The following SEMA5B variants were observed in gnomAD, a reference collection of about 807,000 sequenced individuals.
SEMA5B encodes the protein semaphorin 5B.
A neutral mutation model predicts 135.0 loss-of-function variants in SEMA5B; 66 were observed. That is an observed-to-expected ratio of 0.49 (90% CI 0.40 to 0.60). The LOEUF (loss-of-function observed/expected upper bound fraction) is 0.60, where lower values mean the gene tolerates loss of function less well. Among genes scored for constraint, SEMA5B ranks in the 20% least tolerant of loss-of-function variants. The pLI, the probability that SEMA5B is intolerant of heterozygous loss-of-function variation, is 0.00. For missense variants in SEMA5B, 1,501 were observed against 1,566.3 expected, an observed-to-expected ratio of 0.96 and a Z score of 0.70; for synonymous variants, 690 against 639.5, an observed-to-expected ratio of 1.08 and a Z score of -1.19.
chr3:123,004,727 C>T (rs920378103), intron 1 of SEMA5B, among the ~76,000 whole-genome samples: 1 of 152,194 alleles, frequency 6.6e-6, no homozygotes, highest in African/African-American at 2.4e-5. Context: ...CCAGGCTCCT[C>T]CACACTGATG....
intron 9 of SEMA5B, 115 bp downstream of exon 9, chr3:122,926,277 T>A (rs1938625482): frequency 9.8e-7 from 1 of 1,017,758 alleles, no homozygotes; most frequent in East Asian, 2.6e-5. Context: ...AATCCTCAGA[T>A]GACCCCCGGC....
At chr3:122,935,427 G>T (rs1369125777) in intron 5 of SEMA5B, among the ~76,000 whole-genome samples, 1 of 152,092 alleles carries the variant, frequency 6.6e-6, no homozygotes, top group Non-Finnish European at 1.5e-5. Context: ...TTGGAGAAAG[G>T]GTCTTGATTC....
At chr3:123,004,939 C>G (rs1942268826) in intron 1 of SEMA5B, among the ~76,000 whole-genome samples, 1 of 152,166 alleles carries the variant, frequency 6.6e-6, no homozygotes, top group South Asian at 2.1e-4. Context: ...ACACTGCCTC[C>G]CTGAAAGTCC....
At chr3:122,930,810 ACT>A (rs1938930884) in intron 5 of SEMA5B, among the ~76,000 whole-genome samples, 1 of 152,244 alleles carries the variant, frequency 6.6e-6, no homozygotes, top group African/African-American at 2.4e-5. Flanking sequence ...AGGGAAGAAC[ACT>A]AAAGTCCAGA....
intron 1 of SEMA5B, among the ~76,000 whole-genome samples, chr3:123,009,238 G>A (rs1053366950): frequency 6.6e-6 from 1 of 152,162 alleles, no homozygotes; most frequent in East Asian, 1.9e-4. Context: ...TCAGTGCAGG[G>A]AGCGGGGGTT....
chr3:123,017,852 G>A (rs1942596460), intron 1 of SEMA5B, among the ~76,000 whole-genome samples: 1 of 151,724 alleles, frequency 6.6e-6, no homozygotes. Context: ...AGGTTGCAGT[G>A]AGCCAAGACT....
intron 12 of SEMA5B, among the ~76,000 whole-genome samples, chr3:122,919,211 G>T (rs1938231100): frequency 1.3e-5 from 2 of 151,986 alleles, no homozygotes; most frequent in South Asian, 4.1e-4. Context: ...GGCTGAGAGT[G>T]GGCCTTCCCT....
chr3:122,988,345 G>A (rs1941763420), intron 1 of SEMA5B, among the ~76,000 whole-genome samples: 1 of 152,186 alleles, frequency 6.6e-6, no homozygotes, highest in Non-Finnish European at 1.5e-5. Context: ...GTGTGGAGGT[G>A]AGGCAGAAGG....
At chr3:123,022,502 T>C (rs1430281207) in intron 1 of SEMA5B, among the ~76,000 whole-genome samples, 1 of 152,196 alleles carries the variant, frequency 6.6e-6, no homozygotes, top group Non-Finnish European at 1.5e-5. Flanking sequence ...GAAAGCCCGA[T>C]GGAATCCTTG....
intron 2 of SEMA5B, among the ~76,000 whole-genome samples, chr3:122,951,713 G>C (rs1342693142): frequency 6.6e-6 from 1 of 152,228 alleles, no homozygotes; most frequent in Non-Finnish European, 1.5e-5. Flanking sequence ...TCCCCCTGAG[G>C]GGGCAGAGTC....
At chr3:122,983,827 T>G (rs562273515) in intron 1 of SEMA5B, among the ~76,000 whole-genome samples, 1 of 149,384 alleles carries the variant, frequency 6.7e-6, no homozygotes, top group East Asian at 2.1e-4. Flanking sequence ...CAGGGCCAGT[T>G]CACCTGAGCC....
At chr3:122,928,866 G>C in intron 6 of SEMA5B, 130 bp downstream of exon 6, 1 of 916,620 alleles carries the variant, frequency 1.1e-6, no homozygotes, top group Non-Finnish European at 1.7e-6. Context: ...ACCTGCCCAA[G>C]GAGCCCCAGC....
intron 1 of SEMA5B, among the ~76,000 whole-genome samples, chr3:123,023,446 G>A (rs1164764195): frequency 6.6e-6 from 1 of 152,048 alleles, no homozygotes; most frequent in Non-Finnish European, 1.5e-5. Context: ...TTAAGTATAA[G>A]TAACACTCCC....
In SEMA5B at chr3:122,966,605, A is replaced by G. The variant is rs566819931; in HGVS notation, c.-38-5304T>C. 6.7e-5 allele frequency among the ~76,000 whole-genome samples: 10 copies of G among 149,888 alleles called. No homozygotes were observed. The South Asian group carries it at 1.0e-3, about 16-fold the overall frequency. Reference sequence around the variant, plus strand: ...AGTCTCGCTCTATCACCCAGGCTGGAGTGCAGTGGCGTGATCTCAGCTCAC... The same window carrying G: ...AGTCTCGCTCTATCACCCAGGCTGGGGTGCAGTGGCGTGATCTCAGCTCAC... On this transcript the variant is annotated intron_variant, in intron 1 of 22. Transcript: ENST00000357599.
At chr3:122,993,711 C>A (rs1941945048) in intron 1 of SEMA5B, among the ~76,000 whole-genome samples, 1 of 152,018 alleles carries the variant, frequency 6.6e-6, no homozygotes, top group Non-Finnish European at 1.5e-5. Flanking sequence ...CCAGAACAGG[C>A]AGGAGACACC....
intron 3 of SEMA5B, among the ~76,000 whole-genome samples, chr3:122,947,865 A>C (rs1939860890): frequency 6.6e-6 from 1 of 152,094 alleles, no homozygotes; most frequent in South Asian, 2.1e-4. Context: ...TGTGTAACAG[A>C]TCGTGAGAGA....
chr3:122,967,870 G>A (rs926364673), intron 1 of SEMA5B, among the ~76,000 whole-genome samples: 1 of 152,222 alleles, frequency 6.6e-6, no homozygotes, highest in African/African-American at 2.4e-5. Flanking sequence ...GAAGTAGGCT[G>A]GTGTCAAGAC....
At chr3:122,911,129 C>T (rs1436822576) in intron 21 of SEMA5B, 84 bp from the exon 22 acceptor site, 7 of 1,242,498 alleles carry the variant, frequency 5.6e-6, no homozygotes, top group Non-Finnish European at 7.9e-6. Context: ...GCAGAAACAG[C>T]AACAGGAGGC....
chr3:122,983,716 C>CA (rs57975297), intron 1 of SEMA5B, among the ~76,000 whole-genome samples: 687 of 53,426 alleles, frequency 0.013, 152 homozygotes, highest in African/African-American at 0.014. Context: ...AGACTCGTCT[C>CA]AAAAAAAAAA....
Sources: allele counts gnomAD v4.1 joint callset (sites outside exome capture counted in the v4.1 genomes callset), GRCh38; gene constraint gnomAD v4.1.1; transcripts MANE v1.5; gene names NCBI Gene and HGNC (gene_info 2026-07-23, HGNC 2026-07-21).